GAS7: variants seen among roughly 807,000 people sequenced by gnomAD.
GAS7 encodes the protein growth arrest specific 7.
Under a neutral mutation model 71.1 loss-of-function variants are expected in GAS7, and 28 were observed. The ratio of observed to expected loss-of-function variants is 0.39; its 90% CI spans 0.29 to 0.54. GAS7 has a LOEUF of 0.54. Among genes scored for constraint, GAS7 ranks in the 20% least tolerant of loss-of-function variants. The probability of loss-of-function intolerance (pLI) is 0.62; values close to 1 mark genes in which losing one functional copy is unlikely to be tolerated. For missense variants in GAS7, 436 were observed against 627.8 expected, an observed-to-expected ratio of 0.69 and a Z score of 3.27; for synonymous variants, 258 against 245.8, an observed-to-expected ratio of 1.05 and a Z score of -0.46.
chr17:10,013,441 T>G (rs547055517), intron 2 of GAS7, among the ~76,000 whole-genome samples: 1 of 152,310 alleles, frequency 6.6e-6, no homozygotes, highest in Admixed American at 6.5e-5. Flanking sequence ...TTGGTGGGAA[T>G]GGAGAGCTTC....
At chr17:10,053,294 C>T (rs1054556981) in intron 1 of GAS7, among the ~76,000 whole-genome samples, 7 of 152,136 alleles carry the variant, frequency 4.6e-5, no homozygotes, top group African/African-American at 9.7e-5. Context: ...TTGGAAAAGA[C>T]GTGGTTTCTT....
chr17:10,031,907 T>C (rs2072627642), intron 1 of GAS7, among the ~76,000 whole-genome samples: 1 of 151,972 alleles, frequency 6.6e-6, no homozygotes, highest in Non-Finnish European at 1.5e-5. Context: ...AATATCAGAG[T>C]CACTCTTTTG....
intron 1 of GAS7, chr17:10,039,618 G>C: frequency 2.7e-6 from 1 of 375,926 alleles, no homozygotes; most frequent in South Asian, 1.9e-5. Context: ...GGGAGGCAGA[G>C]GTTGTAGTGA....
At chr17:10,045,434 C>T (rs1437562887) in intron 1 of GAS7, among the ~76,000 whole-genome samples, 3 of 152,178 alleles carry the variant, frequency 2.0e-5, no homozygotes, top group African/African-American at 7.2e-5. Flanking sequence ...TGGTGGCTCA[C>T]GCCTGTAATC....
rs747402913 is a variant in GAS7 at position 9,934,229 on chromosome 17, C to T, written c.822G>A (p.Ala274=). Residue 274 remains alanine (A), a synonymous_variant, in exon 9 of 14, where the codon GCG becomes GCA. Coordinates refer to ENST00000432992, the MANE Select transcript of GAS7 (RefSeq NM_201433.2). The part of the protein sequence containing the change: ...ASQEEGSLGE[A]WAQVKKSLAD... ...CCAGGCTCTTCTTCACCTGGGCCCA[C>T]GCCTCTCCCAAGGAGCTGCAACACA... The T allele has an allele frequency of 5.6e-6, 9 of 1,611,196 alleles. No individual in the cohort carries two copies. The highest frequency in any genetic ancestry group is 4.5e-5 in the East Asian group (2 of 44,884).
At chr17:10,016,747 C>CAAAAAA (rs1168647491) in intron 2 of GAS7, among the ~76,000 whole-genome samples, 4 of 134,854 alleles carry the variant, frequency 3.0e-5, no homozygotes, top group Non-Finnish European at 6.3e-5. Context: ...AACATCTCTA[C>CAAAAAA]AAAAAATAAT....
intron 2 of GAS7, among the ~76,000 whole-genome samples, chr17:10,001,266 T>C (rs2071259016): frequency 6.6e-6 from 1 of 152,174 alleles, no homozygotes; most frequent in Admixed American, 6.5e-5. Context: ...AAAGAAAGTC[T>C]TGGTGCTAAG....
intron 5 of GAS7, among the ~76,000 whole-genome samples, chr17:9,957,351 G>A (rs550022754): frequency 6.6e-6 from 1 of 152,286 alleles, no homozygotes; most frequent in Admixed American, 6.5e-5. Context: ...GGCAGGGATG[G>A]GCGAGGTGTG....
chr17:9,971,839 A>C (rs1211392569), intron 3 of GAS7, among the ~76,000 whole-genome samples: 10 of 152,214 alleles, frequency 6.6e-5, no homozygotes, highest in Admixed American at 6.5e-5. Context: ...AGTTACCACC[A>C]ACACCTACTC....
chr17:10,190,314 G>A (rs775691471), intron 1 of GAS7, among the ~76,000 whole-genome samples: 3 of 152,344 alleles, frequency 2.0e-5, no homozygotes, highest in Admixed American at 6.5e-5. Context: ...GCCGGGCGCA[G>A]TGGCTCATGC....
chr17:10,037,858 G>A (rs764592528), intron 1 of GAS7, among the ~76,000 whole-genome samples: 4 of 151,760 alleles, frequency 2.6e-5, no homozygotes, highest in Admixed American at 6.6e-5. Flanking sequence ...CAGTTACCCC[G>A]GGTCCAAAAA....
In GAS7 at chr17:9,925,619, A is replaced by G. The variant is rs923990087; in HGVS notation, c.1015-20T>C. ...CCGGGCCTGGGGTCCAAGGACACGG[A>G]GAAGCTGCTCATACAGCTCGGAGCC... On this transcript the variant is annotated intron_variant, in intron 10 of 13. Transcript: ENST00000432992. 1 of 1,613,904 alleles carries G rather than the reference A, an allele frequency of 6.2e-7. No homozygotes were observed. Among genetic ancestry groups the G allele is most frequent in the East Asian group, 2.2e-5 (1 of 44,878 alleles).
rs536723969 is a variant in GAS7, at chr17:10,068,370, A to G, written c.184-48473T>C. On this transcript the variant is annotated intron_variant, in intron 1 of 13. Transcript: ENST00000432992. The stretch of plus-strand genomic sequence containing the variant: ...GGGTTTCCTTCCCTGACCTGAAAAC[A>G]GAGGCAGGCTATGCTGGGAGTTCCC... Among the ~76,000 whole-genome samples, 38 of 152,300 alleles carry G rather than the reference A, an allele frequency of 2.5e-4. 1 individual carries two copies. In the South Asian group the frequency reaches 7.9e-3, roughly 32 times the overall value.
At chr17:10,125,719 G>A (rs1188724361) in intron 1 of GAS7, among the ~76,000 whole-genome samples, 2 of 151,932 alleles carry the variant, frequency 1.3e-5, no homozygotes, top group East Asian at 3.9e-4. Flanking sequence ...AGCTGTGGGT[G>A]GGAGCCACTG....
rs530417211 is a variant in GAS7 at position 9,923,510 on chromosome 17, G to A, written c.1138+1966C>T. Among the ~76,000 whole-genome samples, 7 of 152,278 alleles carry A rather than the reference G, an allele frequency of 4.6e-5. No individual in the cohort carries two copies. In the East Asian group the frequency reaches 1.3e-3, roughly 29 times the overall value. On this transcript the variant is annotated intron_variant, in intron 11 of 13. Transcript: ENST00000432992. The stretch of plus-strand genomic sequence containing the variant: ...TATGGTCAGTGGGGAAAGGATATGA[G>A]TTAATCAGTTCACAGAAAGTACAAC...
At chr17:9,975,940 C>T (rs913591401) in intron 3 of GAS7, among the ~76,000 whole-genome samples, 2 of 151,956 alleles carry the variant, frequency 1.3e-5, no homozygotes, top group African/African-American at 4.8e-5. Context: ...CTCATCCGGT[C>T]TGATGACATA....
chr17:9,956,538 T>C (rs1438392153), intron 5 of GAS7, among the ~76,000 whole-genome samples: 1 of 152,114 alleles, frequency 6.6e-6, no homozygotes, highest in East Asian at 1.9e-4. Flanking sequence ...TGAGCTGCCA[T>C]GAGCACCCGT....
intron 1 of GAS7, among the ~76,000 whole-genome samples, chr17:10,173,763 G>A (rs547932111): frequency 3.4e-5 from 5 of 148,162 alleles, no homozygotes; most frequent in African/African-American, 1.2e-4. Flanking sequence ...GCTAGACTCC[G>A]TCTCAAAAAA....
intron 1 of GAS7, among the ~76,000 whole-genome samples, chr17:10,142,209 C>T (rs1428721176): frequency 2.2e-5 from 2 of 89,670 alleles, no homozygotes; most frequent in Non-Finnish European, 4.3e-5. Flanking sequence ...CAGCGAGACT[C>T]TGTCTCAAAA....
Sources: allele counts gnomAD v4.1 joint callset (sites outside exome capture counted in the v4.1 genomes callset), GRCh38; gene constraint gnomAD v4.1.1; transcripts MANE v1.5; gene names NCBI Gene and HGNC (gene_info 2026-07-23, HGNC 2026-07-21).